The following MAGI2 variants were observed in gnomAD, a reference collection of about 807,000 sequenced individuals.
MAGI2 encodes the protein membrane-associated guanylate kinase, WW and PDZ domain-containing protein 2.
In MAGI2, 35 loss-of-function variants were observed where a neutral mutation model predicts 133.3. That is an observed-to-expected ratio of 0.26 (90% CI 0.20 to 0.35). MAGI2 has a LOEUF of 0.35. Among genes scored for constraint, MAGI2 ranks in the 10% least tolerant of loss-of-function variants. MAGI2 has a pLI of 1.00. For synonymous variants in MAGI2, 729 were observed against 710.6 expected, an observed-to-expected ratio of 1.03 and a Z score of -0.41; for missense variants, 1,636 against 1,863.4, an observed-to-expected ratio of 0.88 and a Z score of 2.25.
At chr7:79,283,474 A>T (rs1303979111) in intron 1 of MAGI2, among the ~76,000 whole-genome samples, 1 of 152,152 alleles carries the variant, frequency 6.6e-6, no homozygotes, top group East Asian at 1.9e-4. Flanking sequence ...TGGAATCTAG[A>T]TTTTGTTTAC....
chr7:78,421,518 A>G (rs897982331), intron 6 of MAGI2, among the ~76,000 whole-genome samples: 14 of 152,226 alleles, frequency 9.2e-5, no homozygotes, highest in African/African-American at 3.4e-4. Context: ...ACAATGATAG[A>G]CAACACAGAA....
intron 3 of MAGI2, among the ~76,000 whole-genome samples, chr7:78,612,660 A>G (rs1806581800): frequency 6.6e-6 from 1 of 151,924 alleles, no homozygotes; most frequent in East Asian, 1.9e-4. Context: ...GAGGAAAATC[A>G]CATTTTATTT....
rs143437027 is a variant in MAGI2 at position 78,585,756 on chromosome 7, A to G, written c.538+41364T>C. ...TTGGAGAGCATAGATGTGACACCAC[A>G]TATCAGAAATACTTTGGGAAGGGAA... On this transcript the variant is annotated intron_variant, in intron 3 of 21. Transcript: ENST00000354212. Among the ~76,000 whole-genome samples, 657 of 152,324 alleles carry G rather than the reference A, an allele frequency of 4.3e-3. 5 individuals carry two copies. Among genetic ancestry groups the G allele is most frequent in the African/African-American group, 0.015 (630 of 41,582 alleles).
chr7:78,423,287 C>T (rs1324291820), intron 6 of MAGI2, among the ~76,000 whole-genome samples: 1 of 152,120 alleles, frequency 6.6e-6, no homozygotes, highest in East Asian at 1.9e-4. Flanking sequence ...TCTCTCTTTG[C>T]CTGACGCCAT....
intron 2 of MAGI2, among the ~76,000 whole-genome samples, chr7:78,951,780 C>T (rs1052420120): frequency 2.6e-5 from 4 of 152,026 alleles, no homozygotes; most frequent in African/African-American, 7.2e-5. Flanking sequence ...TTCTTCTGAC[C>T]TCTTCCTCTT....
intron 2 of MAGI2, among the ~76,000 whole-genome samples, chr7:78,749,754 T>C (rs527925851): frequency 1.3e-5 from 2 of 152,294 alleles, no homozygotes; most frequent in South Asian, 4.1e-4. Flanking sequence ...GTGCTTTATA[T>C]AGATGATGCT....
intron 2 of MAGI2, among the ~76,000 whole-genome samples, chr7:78,781,271 C>G (rs377433912): frequency 6.8e-6 from 1 of 147,474 alleles, no homozygotes; most frequent in African/African-American, 2.5e-5. Context: ...CCCAGCTACT[C>G]GGGAGGCTGA....
chr7:79,086,457 A>C (rs1468370403), intron 1 of MAGI2, among the ~76,000 whole-genome samples: 3 of 151,950 alleles, frequency 2.0e-5, no homozygotes, highest in African/African-American at 7.2e-5. Context: ...GAATGTTAAA[A>C]TGGCACAAAA....
chr7:78,188,508 C>T (rs1457080129), intron 12 of MAGI2, among the ~76,000 whole-genome samples: 1 of 152,164 alleles, frequency 6.6e-6, no homozygotes, highest in South Asian at 2.1e-4. Flanking sequence ...AACATTGTTA[C>T]ATCTTTTTCT....
chr7:79,056,723 T>C (rs1028109282), intron 1 of MAGI2, among the ~76,000 whole-genome samples: 3 of 152,226 alleles, frequency 2.0e-5, no homozygotes, highest in African/African-American at 7.2e-5. Context: ...AAAGGAGTCA[T>C]GGTATATGTA....
chr7:79,189,355 A>G (rs149048633), intron 1 of MAGI2, among the ~76,000 whole-genome samples: 1 of 150,126 alleles, frequency 6.7e-6, no homozygotes, highest in Admixed American at 6.7e-5. Flanking sequence ...TTTAACTTGA[A>G]TGTTTATTTC....
intron 20 of MAGI2, among the ~76,000 whole-genome samples, chr7:78,098,431 T>G (rs1291566488): frequency 1.3e-5 from 2 of 152,198 alleles, no homozygotes; most frequent in African/African-American, 4.8e-5. Context: ...TCTGTTCATA[T>G]AGAGGATACA....
chr7:79,016,264 T>C (rs1808716110), intron 1 of MAGI2, among the ~76,000 whole-genome samples: 1 of 152,058 alleles, frequency 6.6e-6, no homozygotes, highest in Non-Finnish European at 1.5e-5. Context: ...CTAAGAAAAC[T>C]GTTGGACCTG....
rs1341985234 is a variant in MAGI2 at position 79,378,924 on chromosome 7, GTGTATATATATATATATATATATATA to G, written c.301+74070_301+74095del. On this transcript the variant is annotated intron_variant, in intron 1 of 21. Coordinates refer to ENST00000354212, the MANE Select transcript of MAGI2 (RefSeq NM_012301.4). ...TTCTTTTATATATATATATGTGTGT[GTGTATATATATATATATATATATATA>G]TATATATATATATATATATATTAAA... Among the ~76,000 whole-genome samples, 80 of 48,234 alleles carry G rather than the reference GTGTATATATATATATATATATATATA, an allele frequency of 1.7e-3. 1 individual carries two copies. The highest frequency in any genetic ancestry group is 2.3e-3 in the African/African-American group (21 of 9,156). The allele number at this position is 48,234 out of a possible 152,430, so 31.6% of individuals were successfully genotyped here. A position where few individuals can be genotyped will look rare whatever the true frequency, so the allele number is the denominator to read the frequency against.
intron 21 of MAGI2, among the ~76,000 whole-genome samples, chr7:78,071,975 G>A (rs1244205435): frequency 6.6e-6 from 1 of 152,188 alleles, no homozygotes; most frequent in Non-Finnish European, 1.5e-5. Context: ...TAGGGCAGTG[G>A]TGACCGTCCT....
intron 6 of MAGI2, among the ~76,000 whole-genome samples, chr7:78,375,697 T>C (rs10260638): frequency 0.81 from 122,627 of 152,040 alleles, 49,535 homozygotes; most frequent in Admixed American, 0.85. Flanking sequence ...GTATAGTGTA[T>C]TATATGGTAA....
At chr7:78,672,919 T>C (rs576535062) in intron 2 of MAGI2, among the ~76,000 whole-genome samples, 31 of 152,128 alleles carry the variant, frequency 2.0e-4, no homozygotes, top group Admixed American at 1.1e-3. Context: ...ATCTAGGGGG[T>C]TGCAACAAAC....
intron 1 of MAGI2, among the ~76,000 whole-genome samples, chr7:79,037,194 C>T (rs1811204337): frequency 6.6e-6 from 1 of 152,158 alleles, no homozygotes; most frequent in Admixed American, 6.5e-5. Flanking sequence ...GTATGTTCCA[C>T]AAGATGTTAA....
At chr7:79,015,091 A>G (rs1383802137) in intron 1 of MAGI2, among the ~76,000 whole-genome samples, 1 of 152,190 alleles carries the variant, frequency 6.6e-6, no homozygotes, top group Non-Finnish European at 1.5e-5. Flanking sequence ...ATTTCATTTT[A>G]TATTAGCAAG....
Sources: allele counts gnomAD v4.1 joint callset (sites outside exome capture counted in the v4.1 genomes callset), GRCh38; gene constraint gnomAD v4.1.1; transcripts MANE v1.5; gene names NCBI Gene and HGNC (gene_info 2026-07-23, HGNC 2026-07-21).